The following WIZ variants were observed in gnomAD, a reference collection of about 807,000 sequenced individuals.
The protein encoded by WIZ is protein Wiz.
Under a neutral mutation model 140.2 loss-of-function variants are expected in WIZ, and 25 were observed. That is an observed-to-expected ratio of 0.18 (90% CI 0.13 to 0.25). The LOEUF is 0.25. WIZ is among the 10% of genes least tolerant of loss of function. The pLI is 1.00. For synonymous variants in WIZ, 1,125 were observed against 1,154.3 expected (o/e 0.97, Z 0.51); for missense variants, 2,231 against 2,632.6 (o/e 0.85, Z 3.34).
In WIZ at chr19:15,427,011, G is replaced by A. The variant is rs769663111; in HGVS notation, c.4337C>T (p.Pro1446Leu). 5 of 1,613,744 alleles carry A rather than the reference G, an allele frequency of 3.1e-6. No homozygotes were observed. In the East Asian group the frequency reaches 6.7e-5, roughly 22 times the overall value. ...LHPSEGPWGAPREDMTPLNLS... is the reference protein window; with the variant it reads ...LHPSEGPWGALREDMTPLNLS... ...GTTCAGGGGTGTCATGTCTTCCCGT[G>A]GTGCCCCCCAGGGACCCTCAGATGG... is the stretch of plus-strand genomic sequence containing the variant. Residue 1446 changes from proline (P) to leucine (L), a missense_variant, in exon 9 of 13, where the codon CCA (proline) becomes CTA (leucine). Transcript: ENST00000673675. The surrounding 1 kb of genome is among the most constrained non-coding windows in gnomAD (Gnocchi z 6.4).
Position 15,428,613 on chromosome 19 carries a change from G to A in WIZ, c.3416-105C>T. 5 of 1,369,176 alleles carry A rather than the reference G, an allele frequency of 3.7e-6. No homozygotes were observed. The highest frequency in any genetic ancestry group is 4.0e-6 in the Non-Finnish European group (4 of 1,006,024). 84.8% of individuals were successfully genotyped at this position (1,369,176 alleles called of 1,614,324 possible). A position where few individuals can be genotyped will look rare whatever the true frequency, so the allele number is the denominator to read the frequency against. ...TGATTTTTGGCTGCTCAGGCAGTTG[G>A]GGGGTCCAAGACTCAGGCCGCAGAT... On this transcript the variant is annotated intron_variant, in intron 7 of 12. Coordinates refer to ENST00000673675, the MANE Select transcript of WIZ (RefSeq NM_001371589.1). The surrounding 1 kb of genome is among the most constrained non-coding windows in gnomAD (Gnocchi z 6.4).
chr19:15,423,992 T>C (rs1273763308), intron 12 of WIZ, 191 bp downstream of exon 12: 1 of 496,266 alleles, frequency 2.0e-6, no homozygotes, highest in Non-Finnish European at 3.4e-6. Flanking sequence ...AGTGGCAGAG[T>C]TGGGATTTGA....
intron 10 of WIZ, 59 bp downstream of exon 10, chr19:15,425,182 T>G: frequency 6.5e-7 from 1 of 1,547,596 alleles, no homozygotes; most frequent in Admixed American, 2.0e-5. Context: ...CTTGTGGCAT[T>G]GCCTGGCCTG....
Position 15,424,715 on chromosome 19 carries a change from C to T in WIZ, c.5212G>A (p.Gly1738Arg). 1.3e-6 allele frequency: 2 copies of T among 1,579,626 alleles called. No homozygotes were observed. Among genetic ancestry groups the T allele is most frequent in the East Asian group, 4.6e-5 (2 of 43,750 alleles). The change falls in exon 11 of 13, where the codon GGG becomes AGG. Residue 1738 changes from glycine to arginine, a missense_variant. Coordinates refer to ENST00000673675, the MANE Select transcript of WIZ (RefSeq NM_001371589.1). The surrounding 1 kb of genome is among the most constrained non-coding windows in gnomAD (Gnocchi z 9.7). Reference sequence around the variant, plus strand: ...TCGGCTGCCCGGCCAGCCTCGGGCCCTGGCTCCCCTCCGGCACTGCGGCCG... The same window carrying T: ...TCGGCTGCCCGGCCAGCCTCGGGCCTTGGCTCCCCTCCGGCACTGCGGCCG... ...VVGRSAGGEP[G>R]PEAGRAADGG... is the part of the protein sequence containing the mutation.
Position 15,433,153 on chromosome 19 carries a change from C to A in WIZ, c.2741-1971G>T. On this transcript the variant is annotated intron_variant, in intron 5 of 12. Transcript: ENST00000673675. Reference sequence around the variant, plus strand: ...AAGTCTCCATCTCCGAGTCGGGGATCCTGGAAAACACCTGATCTCCAACCA... The same window carrying A: ...AAGTCTCCATCTCCGAGTCGGGGATACTGGAAAACACCTGATCTCCAACCA... The A allele has an allele frequency of 5.1e-6, 4 of 789,548 alleles. No homozygotes were observed. The South Asian group carries it at 1.7e-4, about 34-fold the overall frequency. The allele number at this position is 789,548 out of a possible 1,614,324, so 48.9% of individuals were successfully genotyped here.
intron 2 of WIZ, among the ~76,000 whole-genome samples, chr19:15,444,827 G>A (rs1282209530): frequency 6.6e-6 from 1 of 152,210 alleles, no homozygotes; most frequent in Non-Finnish European, 1.5e-5. Context: ...AGGGTCCCGG[G>A]CATCCTGCTT....
intron 4 of WIZ, among the ~76,000 whole-genome samples, chr19:15,437,577 G>C (rs1288932611): frequency 6.6e-6 from 1 of 152,218 alleles, no homozygotes. Context: ...GATTGCTTGA[G>C]CTTAGGAGTT....
Position 15,439,673 on chromosome 19 carries a change from C to T in WIZ, c.1321G>A (p.Gly441Arg), listed in dbSNP as rs1183444280. Residue 441 changes from glycine (G) to arginine (R), a missense_variant, in exon 4 of 13, where the codon GGG (glycine) becomes AGG (arginine). Around this residue, in one of 15 missense-constraint regions of WIZ, gnomAD observed 475 missense variants for 520.2 expected, o/e 0.91. Transcript: ENST00000673675. This position sits in a 1 kb window ranked among gnomAD's most constrained non-coding sequence, Gnocchi z 7.0. ...TTKEPFGGSS[G>R]AGSPSPEASA... ...GCCTCAGGGCTGGGGCTGCCAGCCCCGCTGCTGCCTCCAAAAGGCTCTTTG... is the reference window on the plus strand; with the variant it reads ...GCCTCAGGGCTGGGGCTGCCAGCCCTGCTGCTGCCTCCAAAAGGCTCTTTG... The T allele has an allele frequency of 2.4e-5, 36 of 1,501,598 alleles. No homozygotes were observed. Among genetic ancestry groups the T allele is most frequent in the Non-Finnish European group, 3.2e-5 (36 of 1,131,936 alleles). 93.0% of individuals were successfully genotyped at this position (1,501,598 alleles called of 1,614,324 possible). A position where few individuals can be genotyped will look rare whatever the true frequency, so the allele number is the denominator to read the frequency against.
chr19:15,427,641 G>A lies in WIZ; in HGVS notation c.3815-108C>T, dbSNP rs1355284049. On this transcript the variant is annotated intron_variant, in intron 8 of 12. Coordinates refer to ENST00000673675, the MANE Select transcript of WIZ (RefSeq NM_001371589.1). This position sits in a 1 kb window ranked among gnomAD's most constrained non-coding sequence, Gnocchi z 6.4. ...GTGGGCGGCAGCAGCACGCCCACAGGTTAGGGTGGTGAGGGCAGGTGCAGG... is the reference window on the plus strand; with the variant it reads ...GTGGGCGGCAGCAGCACGCCCACAGATTAGGGTGGTGAGGGCAGGTGCAGG... The A allele has an allele frequency of 7.8e-7, 1 of 1,277,098 alleles. No individual in the cohort carries two copies. Among genetic ancestry groups the A allele is most frequent in the Non-Finnish European group, 1.1e-6 (1 of 945,094 alleles). The allele number at this position is 1,277,098 out of a possible 1,614,324, so 79.1% of individuals were successfully genotyped here. A position where few individuals can be genotyped will look rare whatever the true frequency, so the allele number is the denominator to read the frequency against.
Position 15,427,062 on chromosome 19 carries a change from G to A in WIZ, c.4286C>T (p.Pro1429Leu), listed in dbSNP as rs750468909. 3.0e-5 allele frequency: 48 copies of A among 1,614,028 alleles called. No individual in the cohort carries two copies. The highest frequency in any genetic ancestry group is 8.3e-5 in the Admixed American group (5 of 60,002). Residue 1429 changes from proline (P) to leucine (L), a missense_variant, in exon 9 of 13, where the codon CCG (proline) becomes CTG (leucine). Pro to Leu is a moderately conservative substitution (Grantham distance 98). Around this residue, in one of 15 missense-constraint regions of WIZ, gnomAD observed 393 missense variants for 451.7 expected, o/e 0.87. Transcript: ENST00000673675. This position sits in a 1 kb window ranked among gnomAD's most constrained non-coding sequence, Gnocchi z 6.4. ...IRVEIKREML[P>L]GALHGELHPS... ...GTGCAGTTCCCCATGAAGGGCCCCC[G>A]GCAGCATCTCCCGCTTGATCTCCAC...
rs755169301 is a variant in WIZ at position 15,439,829 on chromosome 19, T to C, written c.1165A>G (p.Lys389Glu). The stretch of plus-strand genomic sequence containing the variant: ...CGGCCCTCGTCTCCTGGAACTTGCT[T>C]CAGCTTTTGGATCTCCTCAATGATC... ...EKIIEEIQKLKQVPGDEGREA... is the reference protein window; with the variant it reads ...EKIIEEIQKLEQVPGDEGREA... The change falls in exon 4 of 13, where the codon AAG (lysine) becomes GAG (glutamate). Residue 389 changes from lysine (K) to glutamate (E), a missense_variant. Physicochemically the swap from Lys to Glu is moderately conservative, Grantham distance 56. Coordinates refer to ENST00000673675, the MANE Select transcript of WIZ (RefSeq NM_001371589.1). The surrounding 1 kb of genome is among the most constrained non-coding windows in gnomAD (Gnocchi z 7.0). 1 of 1,528,932 alleles carries C rather than the reference T, an allele frequency of 6.5e-7. No homozygotes were observed. The highest frequency in any genetic ancestry group is 1.2e-5 in the South Asian group (1 of 83,312). The allele number at this position is 1,528,932 out of a possible 1,614,324, so 94.7% of individuals were successfully genotyped here. A position where few individuals can be genotyped will look rare whatever the true frequency, so the allele number is the denominator to read the frequency against.
rs8110422 is a variant in WIZ, at chr19:15,420,369, A to G, written c.*2707T>C. The stretch of plus-strand genomic sequence containing the variant: ...GCCACTTCTGATGTGTTAAGTGAGC[A>G]AACTCCAAACATGAAGCAGAGATCT... On this transcript the variant is annotated 3_prime_UTR_variant, in exon 13 of 13. Transcript: ENST00000673675. 2 of 152,266 alleles carry G rather than the reference A, an allele frequency of 1.3e-5. No individual in the cohort carries two copies. The highest frequency in any genetic ancestry group is 2.9e-5 in the Non-Finnish European group (2 of 68,044). 9.4% of individuals were successfully genotyped at this position (152,266 alleles called of 1,614,324 possible).
intron 10 of WIZ, 68 bp from the exon 11 acceptor site, chr19:15,425,100 C>T: frequency 2.0e-6 from 3 of 1,507,674 alleles, no homozygotes; most frequent in African/African-American, 1.4e-5. Flanking sequence ...ATGGCCCTGC[C>T]CAGGCCAGGT....
At chr19:15,447,906 T>C (rs1352792363) in intron 2 of WIZ, among the ~76,000 whole-genome samples, 197 bp downstream of exon 2, 1 of 152,142 alleles carries the variant, frequency 6.6e-6, no homozygotes, top group Non-Finnish European at 1.5e-5. Context: ...GGAGCCTTGG[T>C]CTGGTCACTG....
Position 15,422,741 on chromosome 19 carries a change from G to C in WIZ, c.*335C>G, listed in dbSNP as rs1968447856. On this transcript the variant is annotated 3_prime_UTR_variant, in exon 13 of 13. Transcript: ENST00000673675. Reference sequence around the variant, plus strand: ...TCTTTGCAAATGGCCACGGATGGCAGACATCGCCCTGCCTGGCTGCTAGAC... The same window carrying C: ...TCTTTGCAAATGGCCACGGATGGCACACATCGCCCTGCCTGGCTGCTAGAC... 2.7e-6 allele frequency: 1 copy of C among 371,876 alleles called. No homozygotes were observed. The highest frequency in any genetic ancestry group is 4.9e-5 in the East Asian group (1 of 20,388). 23.0% of individuals were successfully genotyped at this position (371,876 alleles called of 1,614,324 possible).
chr19:15,423,222 C>T lies in WIZ; in HGVS notation c.5524G>A (p.Glu1842Lys). Residue 1842 changes from glutamate (E) to lysine (K), a missense_variant, in exon 13 of 13, where the codon GAA (glutamate) becomes AAA (lysine). Glu to Lys is a moderately conservative substitution (Grantham distance 56). This residue lies in a region of WIZ where 299 missense variants were observed against 309.6 expected (regional missense o/e 0.97). Coordinates refer to ENST00000673675, the MANE Select transcript of WIZ (RefSeq NM_001371589.1). ...TGGATGGAGAGGGGGCCCTGGAATTCCACCTCACAGAACCTGCATGGGGGA... is the reference window on the plus strand; with the variant it reads ...TGGATGGAGAGGGGGCCCTGGAATTTCACCTCACAGAACCTGCATGGGGGA... ...YTLKCRFCEV[E>K]FQGPLSIQEE... is the part of the protein sequence containing the mutation. The T allele has an allele frequency of 6.2e-7, 1 of 1,613,614 alleles. No individual in the cohort carries two copies. Among genetic ancestry groups the T allele is most frequent in the Non-Finnish European group, 8.5e-7 (1 of 1,179,886 alleles).
chr19:15,438,897 C>A lies in WIZ; in HGVS notation c.2097G>T (p.Arg699Ser), dbSNP rs1237867169. 5 of 1,450,602 alleles carry A rather than the reference C, an allele frequency of 3.4e-6. No homozygotes were observed. In the East Asian group the frequency reaches 1.2e-4, roughly 36 times the overall value. 89.9% of individuals were successfully genotyped at this position (1,450,602 alleles called of 1,614,324 possible). The stretch of plus-strand genomic sequence containing the variant: ...CCTCGGGCTGCAACCTTGGGGGCAC[C>A]CTGGCTGCCGCCATGACCTGCGGCC... ...KLGPQVMAAA[R>S]VPPRLQPEEL... The change falls in exon 4 of 13, where the codon AGG becomes AGT. Residue 699 changes from arginine to serine, a missense_variant. Arg to Ser is a moderately radical substitution (Grantham distance 110). Transcript: ENST00000673675.
At chr19:15,436,699 A>G in intron 5 of WIZ, 107 bp downstream of exon 5, 1 of 1,203,204 alleles carries the variant, frequency 8.3e-7, no homozygotes, top group Non-Finnish European at 1.1e-6. Context: ...AAGTGACTCA[A>G]AATGCTTCCA....
At chr19:15,441,501 A>G (rs1178947596) in intron 3 of WIZ, among the ~76,000 whole-genome samples, 1 of 152,200 alleles carries the variant, frequency 6.6e-6, no homozygotes, top group African/African-American at 2.4e-5. Flanking sequence ...CAACCTTTCA[A>G]TGACCCCGCA....
Sources: allele counts gnomAD v4.1 joint callset (sites outside exome capture counted in the v4.1 genomes callset), GRCh38; gene constraint gnomAD v4.1.1; regional missense constraint gnomAD v4.1.1; non-coding constraint Gnocchi (gnomAD v3.1); transcripts MANE v1.5; gene names NCBI Gene and HGNC (gene_info 2026-07-23, HGNC 2026-07-21).